The following GABRR3 variants were observed in gnomAD, a reference collection of about 807,000 sequenced individuals.
GABRR3 encodes the protein gamma-aminobutyric acid type A receptor subunit rho3.
A neutral mutation model predicts 43.2 loss-of-function variants in GABRR3; 29 were observed. The ratio of observed to expected loss-of-function variants is 0.67; its 90% CI spans 0.50 to 0.92. The LOEUF is 0.92. Ranked by LOEUF, GABRR3 falls within the 40% of genes least tolerant of loss-of-function variation. The pLI is 0.00. For missense variants in GABRR3, 576 were observed against 572.3 expected (o/e 1.01, Z -0.07); for synonymous variants, 206 against 195.9 (o/e 1.05, Z -0.43).
At chr3:98,027,310 A>G (rs1440828044) in intron 2 of GABRR3, among the ~76,000 whole-genome samples, 1 of 152,168 alleles carries the variant, frequency 6.6e-6, no homozygotes, top group East Asian at 1.9e-4. Context: ...ATGTATAACA[A>G]TTTCTCAAGA....
chr3:97,987,152 C>T (rs567449166), intron 9 of GABRR3, 170 bp from the exon 10 acceptor site: 1 of 162,872 alleles, frequency 6.1e-6, no homozygotes, highest in African/African-American at 2.4e-5. Context: ...GCAGTATCCT[C>T]CGTATATATG....
intron 8 of GABRR3, chr3:97,999,067 G>C (rs1307412222): frequency 6.6e-6 from 1 of 152,092 alleles, no homozygotes; most frequent in African/African-American, 2.4e-5. Flanking sequence ...AGATATGAAA[G>C]GCTCAACAAA....
At chr3:98,020,730 G>T (rs1706931963) in intron 3 of GABRR3, among the ~76,000 whole-genome samples, 1 of 152,044 alleles carries the variant, frequency 6.6e-6, no homozygotes, top group Non-Finnish European at 1.5e-5. Context: ...ATTAGGAATG[G>T]GTTTCTGGAA....
intron 2 of GABRR3, 32 bp downstream of exon 2, chr3:98,034,831 T>C: frequency 1.2e-6 from 2 of 1,609,372 alleles, no homozygotes; most frequent in Non-Finnish European, 1.7e-6. Context: ...AACTGGGCAG[T>C]AATTCCATGG....
At chr3:97,995,737 C>G (rs965399695) in intron 8 of GABRR3, among the ~76,000 whole-genome samples, 1 of 152,136 alleles carries the variant, frequency 6.6e-6, no homozygotes. Context: ...ATTAAATACA[C>G]TTATTATATC....
chr3:98,000,024 T>C (rs563681533), intron 8 of GABRR3: 1 of 152,056 alleles, frequency 6.6e-6, no homozygotes, highest in Non-Finnish European at 1.5e-5. Context: ...AAATTATCTT[T>C]GAAAAAAAAG....
intron 8 of GABRR3, among the ~76,000 whole-genome samples, chr3:97,995,494 A>C (rs1470699269): frequency 6.6e-6 from 1 of 152,192 alleles, no homozygotes; most frequent in Non-Finnish European, 1.5e-5. Flanking sequence ...GCCAGAAAGC[A>C]ATAAACTATT....
intron 2 of GABRR3, among the ~76,000 whole-genome samples, chr3:98,034,600 G>C (rs1215762440): frequency 2.2e-4 from 34 of 152,210 alleles, no homozygotes; most frequent in Admixed American, 2.2e-3. Context: ...CTCTGAAAGA[G>C]GATCCTTACA....
intron 2 of GABRR3, among the ~76,000 whole-genome samples, chr3:98,033,833 A>C (rs2107255213): frequency 6.6e-6 from 1 of 152,326 alleles, no homozygotes; most frequent in Admixed American, 6.5e-5. Context: ...GAAGCATGGA[A>C]GGGAAGTGTG....
intron 3 of GABRR3, 99 bp from the exon 4 acceptor site, chr3:98,017,821 T>C: frequency 3.7e-6 from 3 of 808,964 alleles, no homozygotes; most frequent in Non-Finnish European, 5.8e-6. Flanking sequence ...AGCAACTGAA[T>C]TACTGTTAAA....
At chr3:98,012,428 G>A in exon 5 of GABRR3, 1 of 1,613,920 alleles carries the variant, frequency 6.2e-7, no homozygotes, top group Non-Finnish European at 8.5e-7. Context: ...GGATCTTTTA[G>A]AGTGGACAAA....
intron 7 of GABRR3, among the ~76,000 whole-genome samples, chr3:98,005,450 A>T (rs13071870): frequency 0.25 from 37,444 of 152,058 alleles, 5,618 homozygotes; most frequent in East Asian, 0.43. Flanking sequence ...TTTTCTTAGG[A>T]ACCAAAATGA....
chr3:98,010,781 G>A (rs986734253), intron 5 of GABRR3, among the ~76,000 whole-genome samples: 3 of 152,176 alleles, frequency 2.0e-5, no homozygotes, highest in Non-Finnish European at 2.9e-5. Context: ...CAGTATGTAT[G>A]AGTCCTATGC....
intron 4 of GABRR3, among the ~76,000 whole-genome samples, chr3:98,012,838 G>A (rs1478622509): frequency 2.0e-5 from 3 of 152,178 alleles, no homozygotes; most frequent in Non-Finnish European, 4.4e-5. Flanking sequence ...TAAATGGGAA[G>A]CATTTCTGTG....
At chr3:98,027,261 G>A (rs1053310948) in intron 2 of GABRR3, among the ~76,000 whole-genome samples, 3 of 152,144 alleles carry the variant, frequency 2.0e-5, no homozygotes, top group Non-Finnish European at 2.9e-5. Flanking sequence ...CCTATGCCTA[G>A]AGCTTCTGTT....
At chr3:98,008,881 A>G in intron 6 of GABRR3, 75 bp downstream of exon 6, 1 of 711,198 alleles carries the variant, frequency 1.4e-6, no homozygotes, top group South Asian at 2.2e-5. Flanking sequence ...TGTTAAGAGC[A>G]TGCTTATTTA....
exon 8 of GABRR3, chr3:98,001,766 A>C (rs767273861): frequency 3.1e-6 from 5 of 1,612,842 alleles, no homozygotes; most frequent in Non-Finnish European, 4.2e-6. Flanking sequence ...TATTGTACCA[A>C]CCTGTGGAAA....
At chr3:98,023,802 A>C (rs1706980174) in intron 3 of GABRR3, among the ~76,000 whole-genome samples, 1 of 152,256 alleles carries the variant, frequency 6.6e-6, no homozygotes, top group South Asian at 2.1e-4. Context: ...CCATGATTTC[A>C]TCTGATGCTG....
intron 2 of GABRR3, among the ~76,000 whole-genome samples, chr3:98,031,037 A>T (rs980432192): frequency 3.3e-5 from 5 of 152,170 alleles, no homozygotes; most frequent in African/African-American, 1.2e-4. Flanking sequence ...AGTCTTAGAG[A>T]AAACGTGGTA....
Sources: gnomAD v4.1 joint callset for allele counts (sites outside exome capture counted in the v4.1 genomes callset) on GRCh38, gnomAD v4.1.1 for gene constraint, MANE v1.5 for transcripts, NCBI Gene and HGNC (gene_info 2026-07-23, HGNC 2026-07-21) for gene names.